The following ADCK1 variants were observed in gnomAD, a reference collection of about 807,000 sequenced individuals.
ADCK1 encodes the protein aarF domain-containing protein kinase 1.
In ADCK1, 41 loss-of-function variants were observed where a neutral mutation model predicts 52.3. That is an observed-to-expected ratio of 0.78 (90% CI 0.61 to 1.02). The LOEUF (loss-of-function observed/expected upper bound fraction) is 1.02. ADCK1 is among the 50% of genes least tolerant of loss of function. The probability of loss-of-function intolerance (pLI) is 0.00; values close to 1 mark genes in which losing one functional copy is unlikely to be tolerated. For synonymous variants in ADCK1, 250 were observed against 274.6 expected, an observed-to-expected ratio of 0.91 and a Z score of 0.89; for missense variants, 658 against 679.5, an observed-to-expected ratio of 0.97 and a Z score of 0.35.
Position 77,933,712 on chromosome 14 carries a change from G to C in ADCK1, c.*321G>C. The C allele has an allele frequency of 7.2e-6, 2 of 277,692 alleles. No individual in the cohort carries two copies. Among genetic ancestry groups the C allele is most frequent in the Middle Eastern group, 1.1e-3 (1 of 926 alleles). The allele number at this position is 277,692 out of a possible 1,614,324, so 17.2% of individuals were successfully genotyped here. On this transcript the variant is annotated 3_prime_UTR_variant, in exon 11 of 11. Coordinates refer to ENST00000238561, the MANE Select transcript of ADCK1 (RefSeq NM_020421.4). ...CCTTCCCATTGTCAAGATGTGCCAC[G>C]GGTGCCACTGGGGGCACACTGAACT...
At chr14:77,884,795 C>G (rs1346834881) in intron 4 of ADCK1, among the ~76,000 whole-genome samples, 5 of 152,224 alleles carry the variant, frequency 3.3e-5, no homozygotes, top group African/African-American at 1.2e-4. Context: ...ATGATTGAGT[C>G]TGATTGGACC....
At chr14:77,820,855 C>T (rs114234363) in intron 2 of ADCK1, among the ~76,000 whole-genome samples, 5,876 of 151,966 alleles carry the variant, frequency 0.039, 181 homozygotes, top group South Asian at 0.12. Flanking sequence ...CCTTCACCTC[C>T]TGGGTCCAAG....
intron 9 of ADCK1, among the ~76,000 whole-genome samples, chr14:77,928,065 AAC>A (rs750290363): frequency 6.6e-5 from 10 of 152,290 alleles, no homozygotes; most frequent in Non-Finnish European, 1.5e-4. Context: ...CACTGGTGGC[AAC>A]AGAGATGGAG....
Position 77,907,972 on chromosome 14 carries a change from G to C in ADCK1, c.858+53G>C. On this transcript the variant is annotated intron_variant, in intron 7 of 10. Coordinates refer to ENST00000238561, the MANE Select transcript of ADCK1 (RefSeq NM_020421.4). ...GCCGGGGAACGTGGGCTTGGTCAAG[G>C]CTGCCCAGGAAGTGCCTGTGTGTCC... 3 of 1,530,460 alleles carry C rather than the reference G, an allele frequency of 2.0e-6. No homozygotes were observed. The South Asian group carries it at 3.4e-5, about 18-fold the overall frequency. 94.8% of individuals were successfully genotyped at this position (1,530,460 alleles called of 1,614,324 possible). A position where few individuals can be genotyped will look rare whatever the true frequency, so the allele number is the denominator to read the frequency against.
intron 1 of ADCK1, among the ~76,000 whole-genome samples, chr14:77,801,574 G>T (rs2081111042): frequency 6.6e-6 from 1 of 152,126 alleles, no homozygotes; most frequent in African/African-American, 2.4e-5. Context: ...GATTTGATCT[G>T]TACTAGAAGA....
chr14:77,835,265 CAA>C (rs1198160527), intron 3 of ADCK1, among the ~76,000 whole-genome samples: 1 of 152,154 alleles, frequency 6.6e-6, no homozygotes, highest in African/African-American at 2.4e-5. Flanking sequence ...AGACCTAAGA[CAA>C]AGTGTAAAAA....
chr14:77,899,463 AC>A (rs2083483006), intron 6 of ADCK1, among the ~76,000 whole-genome samples: 1 of 152,188 alleles, frequency 6.6e-6, no homozygotes, highest in Non-Finnish European at 1.5e-5. Context: ...GTGATTGTTG[AC>A]CCATTAGTCA....
At chr14:77,901,489 A>G (rs2083543224) in intron 6 of ADCK1, among the ~76,000 whole-genome samples, 1 of 151,712 alleles carries the variant, frequency 6.6e-6, no homozygotes. Context: ...TCCCGGGTTC[A>G]GGCGATTCTC....
chr14:77,859,326 A>G (rs2082493484), intron 4 of ADCK1, 47 bp downstream of exon 4: 1 of 1,571,134 alleles, frequency 6.4e-7, no homozygotes, highest in African/African-American at 1.3e-5. Flanking sequence ...GATGCTTCAG[A>G]AAAGGCCCCG....
chr14:77,887,754 C>T (rs975340409), intron 5 of ADCK1, among the ~76,000 whole-genome samples: 1 of 152,116 alleles, frequency 6.6e-6, no homozygotes, highest in African/African-American at 2.4e-5. Context: ...CGTGTCTGAA[C>T]GGTCCTAGGA....
At chr14:77,858,677 C>G (rs960156187) in intron 3 of ADCK1, among the ~76,000 whole-genome samples, 1 of 152,030 alleles carries the variant, frequency 6.6e-6, no homozygotes, top group Admixed American at 6.6e-5. Flanking sequence ...TCCAAACAAA[C>G]AAAGCATAAT....
In ADCK1 at chr14:77,833,074, G is replaced by T. The variant is rs11627653; in HGVS notation, c.219+10556G>T. On this transcript the variant is annotated intron_variant, in intron 3 of 10. Transcript: ENST00000238561. ...GTTGAGGGTTGGGGGTAGGGGGGCAGAAGGCATGAAATCACCAGCTACAGG... is the reference window on the plus strand; with the variant it reads ...GTTGAGGGTTGGGGGTAGGGGGGCATAAGGCATGAAATCACCAGCTACAGG... 6.1e-4 allele frequency among the ~76,000 whole-genome samples: 93 copies of T among 152,328 alleles called. 1 individual carries two copies. Among genetic ancestry groups the T allele is most frequent in the African/African-American group, 2.2e-3 (92 of 41,560 alleles).
At chr14:77,924,380 C>T (rs1192045376) in intron 7 of ADCK1, 77 bp from the exon 8 acceptor site, 3 of 1,567,546 alleles carry the variant, frequency 1.9e-6, no homozygotes, top group Non-Finnish European at 2.6e-6. Context: ...AAAGTGACCA[C>T]ATTGAGAGAC....
chr14:77,815,520 ATTT>A (rs371572865), intron 1 of ADCK1, among the ~76,000 whole-genome samples: 2 of 131,094 alleles, frequency 1.5e-5, no homozygotes, highest in Admixed American at 7.7e-5. Context: ...AGGCACCTGC[ATTT>A]TTTTTTTTTT....
rs142679667 is a variant in ADCK1 at position 77,867,910 on chromosome 14, C to T, written c.423+8631C>T. ...CTGTGGTGAGGAATGAATGCTATAG[C>T]CCAGCCAAAGTGCACTGCCTGGTGA... On this transcript the variant is annotated intron_variant, in intron 4 of 10. Coordinates refer to ENST00000238561, the MANE Select transcript of ADCK1 (RefSeq NM_020421.4). Among the ~76,000 whole-genome samples, 447 of 152,326 alleles carry T rather than the reference C, an allele frequency of 2.9e-3. 1 individual carries two copies. Among genetic ancestry groups the T allele is most frequent in the African/African-American group, 0.01 (429 of 41,564 alleles).
intron 5 of ADCK1, among the ~76,000 whole-genome samples, chr14:77,891,945 A>G (rs7145567): frequency 0.41 from 62,488 of 152,198 alleles, 13,672 homozygotes; most frequent in Admixed American, 0.52. Flanking sequence ...TGACAATCCA[A>G]GAAAGGTATT....
chr14:77,882,884 G>A (rs1219451070), intron 4 of ADCK1, among the ~76,000 whole-genome samples: 1 of 152,040 alleles, frequency 6.6e-6, no homozygotes, highest in Non-Finnish European at 1.5e-5. Flanking sequence ...GGCTCATGAA[G>A]CCAGACTGCT....
rs552663815 is a variant in ADCK1 at position 77,854,899 on chromosome 14, A to G, written c.220-4177A>G. 3.9e-5 allele frequency among the ~76,000 whole-genome samples: 6 copies of G among 152,232 alleles called. No homozygotes were observed. The South Asian group carries it at 1.0e-3, about 26-fold the overall frequency. ...TGCAAATCAACAAATTCAGAGCCCT[A>G]CCTCACAACCACCTACTTTATTAGG... On this transcript the variant is annotated intron_variant, in intron 3 of 10. Transcript: ENST00000238561.
At chr14:77,929,295 C>T (rs886781059) in intron 9 of ADCK1, among the ~76,000 whole-genome samples, 1 of 152,222 alleles carries the variant, frequency 6.6e-6, no homozygotes, top group African/African-American at 2.4e-5. Context: ...TGGGTTAGCT[C>T]AGTGGATCAA....
Sources: allele counts gnomAD v4.1 joint callset (sites outside exome capture counted in the v4.1 genomes callset), GRCh38; gene constraint gnomAD v4.1.1; transcripts MANE v1.5; gene names NCBI Gene and HGNC (gene_info 2026-07-23, HGNC 2026-07-21).